Variants in TMCO6 observed in about 807,000 individuals in gnomAD.
TMCO6 encodes transmembrane and coiled-coil domain-containing protein 6.
In TMCO6, 47 loss-of-function variants were observed where a neutral mutation model predicts 61.8. The observed-to-expected ratio is 0.76, with a 90% CI of 0.60 to 0.97. The LOEUF (loss-of-function observed/expected upper bound fraction) is 0.97. Among genes scored for constraint, TMCO6 ranks in the 50% least tolerant of loss-of-function variants. The pLI is 0.00. For synonymous variants in TMCO6, 261 were observed against 254.2 expected (o/e 1.03, Z -0.25); for missense variants, 557 against 601.6 (o/e 0.93, Z 0.78).
At chr5:140,634,846 G>C (rs190828983), upstream of TMCO6, among the ~76,000 whole-genome samples, 1 of 151,862 alleles carries the variant, frequency 6.6e-6, no homozygotes, top group African/African-American at 2.4e-5. Context: ...GGCTGGGCGC[G>C]ATCTCAGCTC....
the TMCO6 span, among the ~76,000 whole-genome samples, chr5:140,610,052 GT>G: frequency 1.3e-5 from 2 of 151,254 alleles, no homozygotes; most frequent in Non-Finnish European, 3.0e-5. Flanking sequence ...TTTTTTTTAA[GT>G]TTTGGTAGGA....
chr5:140,642,612 T>G lies in TMCO6; in HGVS notation c.630T>G (p.Ala210=), dbSNP rs747857244. The change falls in exon 6 of 12, where the codon GCT becomes GCG. Residue 210 remains alanine, a synonymous_variant. Transcript: ENST00000394671. Reference sequence around the variant, plus strand: ...CCCCCCATGTGGCTGTGCTGGAAGCTCTCGGATATGCCTTGTCCCAGCTTC... The same window carrying G: ...CCCCCCATGTGGCTGTGCTGGAAGCGCTCGGATATGCCTTGTCCCAGCTTC... ...IQSPHVAVLE[A]LGYALSQLLQ... 2.5e-6 allele frequency: 4 copies of G among 1,614,072 alleles called. No homozygotes were observed. In the Admixed American group the frequency reaches 5.0e-5, roughly 20 times the overall value.
At chr5:140,631,918 T>A in the TMCO6 span, 1 of 1,601,610 alleles carries the variant, frequency 6.2e-7, no homozygotes, top group Non-Finnish European at 8.5e-7. Flanking sequence ...ACCGACAGGG[T>A]CGAACGTGCA....
downstream of TMCO6, chr5:140,647,507 C>G (rs1757474834): frequency 1.9e-6 from 3 of 1,612,506 alleles, no homozygotes; most frequent in East Asian, 6.7e-5. Context: ...GCCGGGCGAG[C>G]GCTGACATAA....
the TMCO6 span, among the ~76,000 whole-genome samples, chr5:140,614,715 C>T: frequency 2.0e-5 from 3 of 151,778 alleles, no homozygotes; most frequent in Non-Finnish European, 2.9e-5. Flanking sequence ...CCCAGGTTCA[C>T]GCCATTCTCC....
At chr5:140,623,393 C>G in the TMCO6 span, among the ~76,000 whole-genome samples, 1 of 151,780 alleles carries the variant, frequency 6.6e-6, no homozygotes. Context: ...ATGCTTCCCC[C>G]TGTACAGATC....
At chr5:140,633,385 GTCCTGAT>G in the TMCO6 span, 1 of 516,600 alleles carries the variant, frequency 1.9e-6, no homozygotes, top group Non-Finnish European at 3.5e-6. Flanking sequence ...TCCTGGCAGT[GTCCTGAT>G]GACTCAGGCG....
intron 2 of TMCO6, 33 bp from the exon 3 acceptor site, chr5:140,641,632 C>A: frequency 6.3e-7 from 1 of 1,591,212 alleles, no homozygotes; most frequent in Non-Finnish European, 8.6e-7. Context: ...TTCTGTGAAC[C>A]GTGTGTTCTC....
downstream of TMCO6, chr5:140,647,669 T>A: frequency 6.6e-7 from 1 of 1,522,178 alleles, no homozygotes; most frequent in Non-Finnish European, 8.9e-7. Flanking sequence ...GCCTAGCCCA[T>A]AGGCTGCATG....
Position 140,645,082 on chromosome 5 carries a change from C to T in TMCO6, c.1466C>T (p.Thr489Ile). Residue 489 changes from threonine (T) to isoleucine (I), a missense_variant, in exon 12 of 12, where the codon ACA becomes ATA. Coordinates refer to ENST00000394671, the MANE Select transcript of TMCO6 (RefSeq NM_018502.5). ...LQDRVYALQQTALQG is the reference protein window; with the variant it reads ...LQDRVYALQQIALQG ...GATCGTGTGTATGCTCTCCAGCAGACAGCTCTTCAAGGGTGATCTTGTTTC... is the reference window on the plus strand; with the variant it reads ...GATCGTGTGTATGCTCTCCAGCAGATAGCTCTTCAAGGGTGATCTTGTTTC... 3 of 1,614,174 alleles carry T rather than the reference C, an allele frequency of 1.9e-6. No individual in the cohort carries two copies. Among genetic ancestry groups the T allele is most frequent in the Non-Finnish European group, 2.5e-6 (3 of 1,179,988 alleles).
the TMCO6 span, among the ~76,000 whole-genome samples, chr5:140,631,164 CA>C: frequency 2.0e-5 from 3 of 152,140 alleles, no homozygotes; most frequent in Admixed American, 2.0e-4. Flanking sequence ...TCCCTAGGCC[CA>C]AATTTCCCAT....
upstream of TMCO6, among the ~76,000 whole-genome samples, chr5:140,635,161 G>A (rs1472418363): frequency 6.6e-6 from 1 of 152,206 alleles, no homozygotes; most frequent in African/African-American, 2.4e-5. Context: ...CAAACAAGAA[G>A]GCTCATCACT....
At chr5:140,621,498 G>C in the TMCO6 span, among the ~76,000 whole-genome samples, 1 of 152,134 alleles carries the variant, frequency 6.6e-6, no homozygotes, top group Non-Finnish European at 1.5e-5. Flanking sequence ...AGCTGAGGAG[G>C]ATGTATGTTG....
the TMCO6 span, among the ~76,000 whole-genome samples, chr5:140,606,223 T>G: frequency 6.7e-6 from 1 of 149,754 alleles, no homozygotes; most frequent in African/African-American, 2.5e-5. Flanking sequence ...AGTGCAGTGG[T>G]GTGCGGCCTT....
At chr5:140,641,830 G>T (rs1757055566) in intron 3 of TMCO6, 40 bp from the exon 4 acceptor site, 1 of 1,614,122 alleles carries the variant, frequency 6.2e-7, no homozygotes, top group Non-Finnish European at 8.5e-7. Context: ...CTGAGGGATG[G>T]ACCACAAGCT....
the TMCO6 span, among the ~76,000 whole-genome samples, chr5:140,602,230 C>A: frequency 6.6e-6 from 1 of 152,158 alleles, no homozygotes; most frequent in South Asian, 2.1e-4. Flanking sequence ...AACCTCTTTT[C>A]TCTCACTTCC....
the TMCO6 span, among the ~76,000 whole-genome samples, chr5:140,616,642 T>C: frequency 1.3e-5 from 2 of 152,126 alleles, no homozygotes; most frequent in Admixed American, 6.5e-5. Flanking sequence ...AAAAACGCAA[T>C]GTATGGAATA....
At chr5:140,632,944 G>A in the TMCO6 span, 1 of 1,614,016 alleles carries the variant, frequency 6.2e-7, no homozygotes, top group Non-Finnish European at 8.5e-7. This position sits in a 1 kb window ranked among gnomAD's most constrained non-coding sequence, Gnocchi z 6.2. Flanking sequence ...ACGTGCACCA[G>A]CGGCAGCAGC....
chr5:140,596,649 G>C, the TMCO6 span, among the ~76,000 whole-genome samples: 1 of 152,198 alleles, frequency 6.6e-6, no homozygotes, highest in Non-Finnish European at 1.5e-5. Context: ...GCGACTGGCT[G>C]GAACAGCCTG....
Sources: gnomAD v4.1 joint callset for allele counts (sites outside exome capture counted in the v4.1 genomes callset) on GRCh38, gnomAD v4.1.1 for gene constraint, Gnocchi (gnomAD v3.1) non-coding constraint, MANE v1.5 for transcripts, NCBI Gene and HGNC (gene_info 2026-07-23, HGNC 2026-07-21) for gene names.